Variants in PRKCH observed in about 807,000 individuals in gnomAD.
The protein encoded by PRKCH is protein kinase C eta.
PRKCH carries 28 observed loss-of-function variants against 82.5 expected under a neutral mutation model. The ratio of observed to expected loss-of-function variants is 0.34; its 90% CI spans 0.25 to 0.47. PRKCH has a LOEUF of 0.47. Among genes scored for constraint, PRKCH ranks in the 20% least tolerant of loss-of-function variants. PRKCH has a pLI of 1.00. For synonymous variants in PRKCH, 322 were observed against 327.4 expected (o/e 0.98, Z 0.18); for missense variants, 705 against 881.8 (o/e 0.80, Z 2.54).
intron 2 of PRKCH, among the ~76,000 whole-genome samples, chr14:61,426,786 A>G (rs1187639269): frequency 6.6e-6 from 1 of 152,242 alleles, no homozygotes; most frequent in Non-Finnish European, 1.5e-5. Context: ...ATTTTCTCAT[A>G]CAACTACAAG....
chr14:61,330,145 G>C (rs985664905), intron 1 of PRKCH, among the ~76,000 whole-genome samples: 4 of 152,184 alleles, frequency 2.6e-5, no homozygotes, highest in African/African-American at 7.2e-5. Flanking sequence ...AAAGCAACTA[G>C]GGAATTACAG....
intron 1 of PRKCH, among the ~76,000 whole-genome samples, chr14:61,198,572 A>T (rs747966406): frequency 9.9e-5 from 15 of 152,196 alleles, no homozygotes; most frequent in Non-Finnish European, 1.8e-4. Flanking sequence ...TTACATAATG[A>T]TCTCCCCACA....
intron 2 of PRKCH, among the ~76,000 whole-genome samples, chr14:61,409,079 A>G (rs1200432941): frequency 1.3e-5 from 2 of 152,218 alleles, no homozygotes; most frequent in East Asian, 3.8e-4. Flanking sequence ...AGCCAATGTC[A>G]TACCTTTTCC....
At chr14:61,415,511 T>G (rs1432285252) in intron 2 of PRKCH, among the ~76,000 whole-genome samples, 1 of 152,228 alleles carries the variant, frequency 6.6e-6, no homozygotes, top group Non-Finnish European at 1.5e-5. Context: ...TGTAATCAAT[T>G]TAATGAGGAC....
intron 9 of PRKCH, among the ~76,000 whole-genome samples, chr14:61,478,444 A>T (rs1885824971): frequency 6.6e-6 from 1 of 152,116 alleles, no homozygotes; most frequent in Non-Finnish European, 1.5e-5. Context: ...GCTTCTATTG[A>T]TTGAGATTCT....
intron 1 of PRKCH, among the ~76,000 whole-genome samples, chr14:61,198,119 T>TTTAA: frequency 6.6e-6 from 1 of 152,292 alleles, no homozygotes; most frequent in East Asian, 1.9e-4. Flanking sequence ...TATTGTCCAT[T>TTTAA]TTAAGCTTTA....
At chr14:61,507,591 T>TA (rs561147376) in intron 10 of PRKCH, among the ~76,000 whole-genome samples, 16 of 152,192 alleles carry the variant, frequency 1.1e-4, no homozygotes, top group Non-Finnish European at 4.4e-5. Flanking sequence ...TATTCAGCCT[T>TA]AAAAAAGAAG....
At chr14:61,454,857 G>C (rs534722971) in intron 7 of PRKCH, among the ~76,000 whole-genome samples, 5 of 152,286 alleles carry the variant, frequency 3.3e-5, no homozygotes, top group Admixed American at 1.3e-4. Context: ...GAACGGTGTA[G>C]CTTGGTGTCC....
chr14:61,354,343 G>A (rs1209525179), intron 1 of PRKCH, among the ~76,000 whole-genome samples: 1 of 151,270 alleles, frequency 6.6e-6, no homozygotes, highest in Non-Finnish European at 1.5e-5. Context: ...GCTTATAATA[G>A]CTGCATAATA....
rs71449556 is a variant in PRKCH, at chr14:61,484,291, C to CTTTTTT, written c.1279-1194_1279-1189dup. On this transcript the variant is annotated intron_variant, in intron 9 of 13. Transcript: ENST00000332981. ...AGAATTTGTCAATCTGCTTGTGTCA[C>CTTTTTT]TTTTTTTTTTTTTTTTTTTTTTGAG... Among the ~76,000 whole-genome samples the CTTTTTT allele has an allele frequency of 1.0e-2, 863 of 86,358 alleles. 30 individuals are homozygous for CTTTTTT. Among genetic ancestry groups the CTTTTTT allele is most frequent in the African/African-American group, 0.036 (808 of 22,242 alleles). 56.7% of individuals were successfully genotyped at this position (86,358 alleles called of 152,430 possible). A position where few individuals can be genotyped will look rare whatever the true frequency, so the allele number is the denominator to read the frequency against.
At chr14:61,386,605 C>A (rs573943602) in intron 1 of PRKCH, among the ~76,000 whole-genome samples, 2 of 152,148 alleles carry the variant, frequency 1.3e-5, no homozygotes, top group Admixed American at 1.3e-4. Flanking sequence ...GGGTGGTGTC[C>A]TGGAAGTAAG....
chr14:61,257,318 G>A (rs1351057469), intron 1 of PRKCH, among the ~76,000 whole-genome samples: 2 of 152,070 alleles, frequency 1.3e-5, no homozygotes, highest in African/African-American at 4.8e-5. Context: ...CAGAGGCGGC[G>A]AGGTCAGAGG....
chr14:61,267,823 C>G (rs2045117181), intron 1 of PRKCH, among the ~76,000 whole-genome samples: 1 of 151,948 alleles, frequency 6.6e-6, no homozygotes, highest in Non-Finnish European at 1.5e-5. Context: ...TAAGATGCAC[C>G]ATTACGTTAT....
At chr14:61,289,076 T>C (rs1332617704) in intron 1 of PRKCH, among the ~76,000 whole-genome samples, 1 of 152,184 alleles carries the variant, frequency 6.6e-6, no homozygotes, top group East Asian at 1.9e-4. Context: ...GGCTTTTGGT[T>C]GCCACAGCTT....
intron 9 of PRKCH, among the ~76,000 whole-genome samples, chr14:61,481,085 C>A (rs921951348): frequency 1.3e-5 from 2 of 152,238 alleles, no homozygotes; most frequent in African/African-American, 4.8e-5. Context: ...CTGTACCTCT[C>A]CACTGCACTT....
intron 9 of PRKCH, among the ~76,000 whole-genome samples, chr14:61,458,714 C>T (rs927131421): frequency 6.6e-6 from 1 of 151,938 alleles, no homozygotes. Context: ...ACAGTCATAG[C>T]GGAAGGGTGA....
chr14:61,220,393 C>T (rs1023912114), intron 1 of PRKCH, among the ~76,000 whole-genome samples: 1 of 152,140 alleles, frequency 6.6e-6, no homozygotes, highest in African/African-American at 2.4e-5. Flanking sequence ...AAAGGAAGCC[C>T]CAAATCATCC....
intron 10 of PRKCH, among the ~76,000 whole-genome samples, chr14:61,502,310 C>A (rs960291462): frequency 6.6e-6 from 1 of 151,988 alleles, no homozygotes; most frequent in African/African-American, 2.4e-5. Context: ...ATCCGCACAC[C>A]CCAGCCTTCC....
intron 10 of PRKCH, among the ~76,000 whole-genome samples, chr14:61,507,360 G>A (rs1463743538): frequency 6.6e-6 from 1 of 152,102 alleles, no homozygotes; most frequent in African/African-American, 2.4e-5. Flanking sequence ...CAGCCACTAA[G>A]CAAAACAATA....
Sources: allele counts gnomAD v4.1 joint callset (sites outside exome capture counted in the v4.1 genomes callset), GRCh38; gene constraint gnomAD v4.1.1; transcripts MANE v1.5; gene names NCBI Gene and HGNC (gene_info 2026-07-23, HGNC 2026-07-21).